Variants in PGAP1 observed in about 807,000 individuals in gnomAD.
PGAP1 encodes the protein GPI inositol-deacylase.
In PGAP1, 76 loss-of-function variants were observed where a neutral mutation model predicts 127.0. That is an observed-to-expected ratio of 0.60 (90% confidence interval 0.50 to 0.72). The LOEUF is 0.72. Ranked by LOEUF, PGAP1 falls within the 30% of genes least tolerant of loss-of-function variation. The pLI, the probability that PGAP1 is intolerant of heterozygous loss-of-function variation, is 0.00. For synonymous variants in PGAP1, 362 were observed against 366.5 expected (o/e 0.99, Z 0.14); for missense variants, 982 against 1,071.3 (o/e 0.92, Z 1.16).
chr2:196,913,052 C>A lies in PGAP1; in HGVS notation c.479G>T (p.Gly160Val), dbSNP rs771798393. 6.2e-7 allele frequency: 1 copy of A among 1,601,668 alleles called. No individual in the cohort carries two copies. Among genetic ancestry groups the A allele is most frequent in the Non-Finnish European group, 8.5e-7 (1 of 1,173,958 alleles). The change falls in exon 4 of 27, where the codon GGT becomes GTT. Residue 160 changes from glycine (G) to valine (V), a missense_variant and splice_region_variant. Gly to Val is a moderately radical substitution (Grantham distance 109). Transcript: ENST00000354764. Reference protein sequence around the residue: ...CIKTILKLYKGQEFAPKSVAI... With the variant: ...CIKTILKLYKVQEFAPKSVAI... ...CACACTTTTTGGAGCAAATTCTTGA[C>A]CCTATTAAAATAAATCACCAGGTCA...
chr2:196,902,801 A>T, intron 4 of PGAP1, 59 bp from the exon 5 acceptor site: 1 of 1,272,522 alleles, frequency 7.9e-7, no homozygotes, highest in Non-Finnish European at 1.1e-6. Flanking sequence ...AAACAATAAG[A>T]TATCTATACA....
In PGAP1 at chr2:196,837,926, T is replaced by A. The variant is rs1431669107; in HGVS notation, c.*3308A>T. 2 of 152,124 alleles carry A rather than the reference T, an allele frequency of 1.3e-5. No individual in the cohort carries two copies. Among genetic ancestry groups the A allele is most frequent in the South Asian group, 2.1e-4 (1 of 4,832 alleles). The allele number at this position is 152,124 out of a possible 1,614,324, so 9.4% of individuals were successfully genotyped here. On this transcript the variant is annotated 3_prime_UTR_variant, in exon 27 of 27. Coordinates refer to ENST00000354764, the MANE Select transcript of PGAP1 (RefSeq NM_024989.4). ...ATATATTGAAGAGACTCAAACTCAA[T>A]GTTAACCAGGCACAGATGGCTTTTC...
At chr2:196,871,000 A>G (rs1014938001) in intron 18 of PGAP1, 21 bp from the exon 19 acceptor site, 2 of 1,552,568 alleles carry the variant, frequency 1.3e-6, no homozygotes, top group Non-Finnish European at 8.9e-7. Flanking sequence ...ACAATTATTG[A>G]AAAAAAAGGT....
At chr2:196,917,194 CTTG>C (rs1559372349) in intron 2 of PGAP1, among the ~76,000 whole-genome samples, 3 of 152,004 alleles carry the variant, frequency 2.0e-5, no homozygotes, top group Admixed American at 2.0e-4. Context: ...TCTTTTTGTT[CTTG>C]TTGTTGTTTT....
At chr2:196,902,488 C>A (rs1702530417) in intron 5 of PGAP1, 97 bp downstream of exon 5, 2 of 1,050,844 alleles carry the variant, frequency 1.9e-6, no homozygotes, top group Non-Finnish European at 2.8e-6. Flanking sequence ...ACCACTAACT[C>A]AGCAGTCATT....
intron 12 of PGAP1, among the ~76,000 whole-genome samples, chr2:196,884,612 G>A (rs1008789239): frequency 1.3e-5 from 2 of 152,114 alleles, no homozygotes; most frequent in Non-Finnish European, 2.9e-5. Flanking sequence ...AAGCATTCAT[G>A]AGCAAAAATA....
rs985505465 is a variant in PGAP1 at position 196,898,509 on chromosome 2, T to C, written c.808-140A>G. The C allele has an allele frequency of 1.6e-5, 9 of 550,684 alleles. No homozygotes were observed. In the East Asian group the frequency reaches 2.5e-4, roughly 15 times the overall value. The allele number at this position is 550,684 out of a possible 1,614,324, so 34.1% of individuals were successfully genotyped here. A position where few individuals can be genotyped will look rare whatever the true frequency, so the allele number is the denominator to read the frequency against. On this transcript the variant is annotated intron_variant, in intron 5 of 26. Coordinates refer to ENST00000354764, the MANE Select transcript of PGAP1 (RefSeq NM_024989.4). ...GAGGCCTAGACATTTTTAAATGATA[T>C]TCTTATAAAAGGTGATCCAAATATA...
At position 196,835,462 on chromosome 2, in the gene PGAP1, A is replaced by T. The variant is rs1329493388; in HGVS notation, c.*5772T>A. The T allele has an allele frequency of 1.3e-5, 2 of 152,058 alleles. No homozygotes were observed. Among genetic ancestry groups the T allele is most frequent in the South Asian group, 4.1e-4 (2 of 4,834 alleles). 9.4% of individuals were successfully genotyped at this position (152,058 alleles called of 1,614,324 possible). A position where few individuals can be genotyped will look rare whatever the true frequency, so the allele number is the denominator to read the frequency against. On this transcript the variant is annotated 3_prime_UTR_variant, in exon 27 of 27. Transcript: ENST00000354764. ...AATTATTTCAATGAATTGCTGAAAG[A>T]TCATTACTAGGCAAACTTTTACCCA...
chr2:196,913,492 A>G (rs866949751), intron 3 of PGAP1, among the ~76,000 whole-genome samples: 25 of 152,354 alleles, frequency 1.6e-4, no homozygotes, highest in Middle Eastern at 3.4e-3. Flanking sequence ...TCATGTTGTT[A>G]TCTTTTATCT....
At chr2:196,842,029 T>C (rs983636954) in intron 26 of PGAP1, among the ~76,000 whole-genome samples, 1 of 151,314 alleles carries the variant, frequency 6.6e-6, no homozygotes, top group African/African-American at 2.4e-5. Context: ...TACAGAAATG[T>C]TTATTTTAAC....
At chr2:196,862,150 T>C (rs1701088283) in intron 20 of PGAP1, among the ~76,000 whole-genome samples, 1 of 152,186 alleles carries the variant, frequency 6.6e-6, no homozygotes, top group Admixed American at 6.5e-5. Flanking sequence ...GAAATATCAC[T>C]GAATTCTTTT....
chr2:196,871,059 AT>A (rs1701395333), intron 18 of PGAP1, 80 bp from the exon 19 acceptor site: 1 of 956,776 alleles, frequency 1.0e-6, no homozygotes, highest in Admixed American at 1.9e-5. Context: ...GCACTTATGC[AT>A]ATCTCTAAGC....
rs1700329982 is a variant in PGAP1 at position 196,839,130 on chromosome 2, TAAAC to T, written c.*2100_*2103del. On this transcript the variant is annotated 3_prime_UTR_variant, in exon 27 of 27. Coordinates refer to ENST00000354764, the MANE Select transcript of PGAP1 (RefSeq NM_024989.4). Reference sequence around the variant, plus strand: ...TGTTACATTCATGAACAGTACTAACTAAACAAAGAGGTTTTAGAATACATAAACA... The same window carrying T: ...TGTTACATTCATGAACAGTACTAACTAAAGAGGTTTTAGAATACATAAACA... 3 of 152,736 alleles carry T rather than the reference TAAAC, an allele frequency of 2.0e-5. No individual in the cohort carries two copies. Among genetic ancestry groups the T allele is most frequent in the African/African-American group, 7.2e-5 (3 of 41,566 alleles). 9.5% of individuals were successfully genotyped at this position (152,736 alleles called of 1,614,324 possible).
intron 4 of PGAP1, among the ~76,000 whole-genome samples, chr2:196,904,037 G>A (rs1214001921): frequency 3.9e-5 from 6 of 152,094 alleles, no homozygotes; most frequent in African/African-American, 1.2e-4. Flanking sequence ...TACCAGTGGG[G>A]CACACATGCC....
chr2:196,854,684 C>T (rs1700822686), intron 20 of PGAP1, among the ~76,000 whole-genome samples: 1 of 152,200 alleles, frequency 6.6e-6, no homozygotes, highest in Non-Finnish European at 1.5e-5. Context: ...TTTCTGTCAT[C>T]CACAGTTATT....
chr2:196,914,971 C>G (rs1013517650), intron 3 of PGAP1, among the ~76,000 whole-genome samples: 2 of 152,074 alleles, frequency 1.3e-5, no homozygotes, highest in African/African-American at 4.8e-5. Context: ...TGTGCACCAC[C>G]ACATCCAGCT....
Position 196,912,946 on chromosome 2 carries a change from A to G in PGAP1, c.585T>C (p.Asn195=), listed in dbSNP as rs1038323136. The G allele has an allele frequency of 1.1e-5, 18 of 1,613,806 alleles. No homozygotes were observed. Among genetic ancestry groups the G allele is most frequent in the Non-Finnish European group, 1.5e-5 (18 of 1,179,924 alleles). The change falls in exon 4 of 27, where the codon AAT becomes AAC. Residue 195 remains asparagine, a synonymous_variant. Transcript: ENST00000354764. ...TLKNFKHDLI[N]LLITQATPHV... ...GAGGTGTGGCTTGTGTAATAAGAAGATTTATCAGATCATGCTTAAAATTTT... is the reference window on the plus strand; with the variant it reads ...GAGGTGTGGCTTGTGTAATAAGAAGGTTTATCAGATCATGCTTAAAATTTT...
intron 20 of PGAP1, among the ~76,000 whole-genome samples, chr2:196,857,748 A>G (rs1190882330): frequency 6.6e-6 from 1 of 152,250 alleles, no homozygotes; most frequent in Admixed American, 6.5e-5. Context: ...AACAAAGGCC[A>G]TATCAACCTT....
chr2:196,877,858 C>T (rs1701613673), intron 13 of PGAP1, among the ~76,000 whole-genome samples: 1 of 152,126 alleles, frequency 6.6e-6, no homozygotes, highest in Non-Finnish European at 1.5e-5. Context: ...TAAAACCTAT[C>T]TGTTCATTAC....
Sources: gnomAD v4.1 joint callset for allele counts (sites outside exome capture counted in the v4.1 genomes callset) on GRCh38, gnomAD v4.1.1 for gene constraint, MANE v1.5 for transcripts, NCBI Gene and HGNC (gene_info 2026-07-23, HGNC 2026-07-21) for gene names.